CDH18: variants seen among roughly 807,000 people sequenced by gnomAD.
CDH18 encodes the protein cadherin-18.
A neutral mutation model predicts 67.9 loss-of-function variants in CDH18; 31 were observed. That is an observed-to-expected ratio of 0.46 (90% CI 0.34 to 0.62). The LOEUF is 0.62. Among genes scored for constraint, CDH18 ranks in the 20% least tolerant of loss-of-function variants. The pLI, the probability that CDH18 is intolerant of heterozygous loss-of-function variation, is 0.01. For synonymous variants in CDH18, 362 were observed against 347.2 expected, an observed-to-expected ratio of 1.04 and a Z score of -0.48; for missense variants, 890 against 975.5, an observed-to-expected ratio of 0.91 and a Z score of 1.17.
chr5:20,363,723 T>TA (rs1742291244), intron 1 of CDH18, among the ~76,000 whole-genome samples: 1 of 151,724 alleles, frequency 6.6e-6, no homozygotes, highest in Non-Finnish European at 1.5e-5. Context: ...AGTTAATTTT[T>TA]TTTTTTTTTA....
chr5:20,315,387 C>G (rs1373175414), intron 1 of CDH18, among the ~76,000 whole-genome samples: 1 of 152,036 alleles, frequency 6.6e-6, no homozygotes, highest in African/African-American at 2.4e-5. Flanking sequence ...TTCTCCAGGC[C>G]TTTGCCAATG....
intron 2 of CDH18, among the ~76,000 whole-genome samples, chr5:20,172,223 T>TATATATATATATATATATATATATAC (rs1554098639): frequency 2.3e-5 from 1 of 43,924 alleles, no homozygotes; most frequent in Non-Finnish European, 4.0e-5. Context: ...TATATATATA[T>TATATATATATATATATATATATATAC]GTATATATAT....
At chr5:19,654,218 G>A (rs1300919910) in intron 5 of CDH18, among the ~76,000 whole-genome samples, 3 of 152,120 alleles carry the variant, frequency 2.0e-5, no homozygotes, top group African/African-American at 7.2e-5. Flanking sequence ...TTTAATTATT[G>A]CATGTTTGAT....
chr5:19,507,171 C>T (rs1036035531), intron 10 of CDH18, among the ~76,000 whole-genome samples: 20 of 152,060 alleles, frequency 1.3e-4, no homozygotes, highest in African/African-American at 3.4e-4. Flanking sequence ...TCATCATTGG[C>T]CATCAGAGAA....
chr5:19,611,475 C>T (rs905434259), intron 6 of CDH18, among the ~76,000 whole-genome samples: 3 of 152,086 alleles, frequency 2.0e-5, no homozygotes, highest in East Asian at 1.9e-4. Context: ...GAAGTAAGGA[C>T]GTACAAAGTG....
At chr5:19,988,595 T>G (rs571733607), upstream of CDH18, among the ~76,000 whole-genome samples, 1 of 152,038 alleles carries the variant, frequency 6.6e-6, no homozygotes, top group African/African-American at 2.4e-5. Flanking sequence ...ATCAATTCTC[T>G]GCGGGGGAGG....
At chr5:20,526,112 G>A (rs1756038905) in intron 1 of CDH18, among the ~76,000 whole-genome samples, 1 of 152,090 alleles carries the variant, frequency 6.6e-6, no homozygotes, top group South Asian at 2.1e-4. Flanking sequence ...GGACTGGGTG[G>A]TATTCCCGAC....
At chr5:19,999,567 G>A (rs562206181) in intron 2 of CDH18, among the ~76,000 whole-genome samples, 33 of 152,190 alleles carry the variant, frequency 2.2e-4, no homozygotes, top group African/African-American at 7.5e-4. Flanking sequence ...GCGCCATTGC[G>A]CTCCAGGCTG....
intron 1 of CDH18, among the ~76,000 whole-genome samples, chr5:20,397,320 C>T (rs781584331): frequency 2.6e-5 from 4 of 151,996 alleles, no homozygotes; most frequent in Admixed American, 2.0e-4. Context: ...TTAGTAGAGA[C>T]GGGGTTTTGC....
chr5:19,878,734 A>G (rs1374147941), intron 2 of CDH18, among the ~76,000 whole-genome samples: 1 of 152,118 alleles, frequency 6.6e-6, no homozygotes, highest in Non-Finnish European at 1.5e-5. Context: ...ATAATTTGTA[A>G]GTAGCAGAAA....
intron 6 of CDH18, among the ~76,000 whole-genome samples, chr5:19,610,000 C>T (rs527978016): frequency 6.6e-6 from 1 of 152,184 alleles, no homozygotes; most frequent in South Asian, 2.1e-4. Context: ...TTAAAGAGCA[C>T]TTTACTACAA....
intron 6 of CDH18, among the ~76,000 whole-genome samples, chr5:19,593,257 G>C (rs894916393): frequency 6.6e-6 from 1 of 151,952 alleles, no homozygotes; most frequent in Non-Finnish European, 1.5e-5. Flanking sequence ...TTCTGTAGAC[G>C]CTACACAAGT....
intron 3 of CDH18, among the ~76,000 whole-genome samples, chr5:19,766,184 CT>C (rs1169217460): frequency 1.3e-5 from 2 of 152,120 alleles, no homozygotes; most frequent in Non-Finnish European, 2.9e-5. Context: ...CGACCCAGAA[CT>C]TTTTCAATCG....
chr5:19,611,877 T>C (rs1301613216), intron 6 of CDH18, among the ~76,000 whole-genome samples: 1 of 152,054 alleles, frequency 6.6e-6, no homozygotes, highest in Non-Finnish European at 1.5e-5. Flanking sequence ...TTATGCTTTC[T>C]GTTTTCAAGT....
At chr5:20,126,133 A>C (rs1426467557) in intron 2 of CDH18, among the ~76,000 whole-genome samples, 1 of 152,162 alleles carries the variant, frequency 6.6e-6, no homozygotes, top group Non-Finnish European at 1.5e-5. Flanking sequence ...TTGATGGAAC[A>C]GAATAAGGAG....
intron 1 of CDH18, among the ~76,000 whole-genome samples, chr5:20,387,411 T>C (rs897688960): frequency 1.3e-5 from 2 of 152,148 alleles, no homozygotes; most frequent in Non-Finnish European, 2.9e-5. Flanking sequence ...TTTTTGCACA[T>C]TGATTTTTTA....
chr5:20,317,347 G>A (rs1737567608), intron 1 of CDH18, among the ~76,000 whole-genome samples: 1 of 152,018 alleles, frequency 6.6e-6, no homozygotes, highest in East Asian at 1.9e-4. Flanking sequence ...CCAAAATGAA[G>A]GCACCTGTTT....
chr5:19,779,374 G>C (rs1561283763), intron 3 of CDH18, among the ~76,000 whole-genome samples: 1 of 152,124 alleles, frequency 6.6e-6, no homozygotes, highest in Admixed American at 6.6e-5. Flanking sequence ...TAAGAAAATT[G>C]AGTTAGTTTA....
chr5:20,537,835 CTG>C, intron 1 of CDH18, among the ~76,000 whole-genome samples: 1 of 152,240 alleles, frequency 6.6e-6, no homozygotes, highest in African/African-American at 2.4e-5. Context: ...TTGTCGTCCT[CTG>C]TGTTATCAAA....
Sources: gnomAD v4.1 joint callset for allele counts (sites outside exome capture counted in the v4.1 genomes callset) on GRCh38, gnomAD v4.1.1 for gene constraint, MANE v1.5 for transcripts, NCBI Gene and HGNC (gene_info 2026-07-23, HGNC 2026-07-21) for gene names.